The following TCEA2 variants were observed in gnomAD, a reference collection of about 807,000 sequenced individuals.
TCEA2 encodes the protein transcription elongation factor A protein 2.
In TCEA2, 21 loss-of-function variants were observed where a neutral mutation model predicts 40.8. The observed-to-expected ratio is 0.51, with a 90% confidence interval of 0.36 to 0.74. The LOEUF is 0.74. Among genes scored for constraint, TCEA2 ranks in the 30% least tolerant of loss-of-function variants. The pLI, the probability that TCEA2 is intolerant of heterozygous loss-of-function variation, is 0.00. For missense variants in TCEA2, 326 were observed against 426.5 expected (o/e 0.76, Z 2.08); for synonymous variants, 165 against 162.7 (o/e 1.01, Z -0.11).
chr20:64,066,406 T>G (rs1051094639), intron 1 of TCEA2, 70 bp from the exon 2 acceptor site: 1 of 1,544,944 alleles, frequency 6.5e-7, no homozygotes, highest in Non-Finnish European at 8.9e-7. Context: ...TCTCCTCCAG[T>G]AGGCAGAAGG....
chr20:64,066,287 C>T (rs2059691914), intron 1 of TCEA2, 189 bp from the exon 2 acceptor site: 1 of 615,218 alleles, frequency 1.6e-6, no homozygotes, highest in African/African-American at 1.8e-5. Context: ...TAAGGGTTCC[C>T]TGCTGTGGTG....
At chr20:64,069,909 C>T (rs776051981) in intron 6 of TCEA2, 88 bp downstream of exon 6, 19 of 1,511,984 alleles carry the variant, frequency 1.3e-5, no homozygotes, top group Non-Finnish European at 1.6e-5. Flanking sequence ...CTGCTGGATG[C>T]CACTGCCCAG....
At chr20:64,068,290 C>T (rs564305816) in intron 4 of TCEA2, among the ~76,000 whole-genome samples, 156 bp downstream of exon 4, 7 of 152,340 alleles carry the variant, frequency 4.6e-5, no homozygotes, top group African/African-American at 1.2e-4. Context: ...TGGTGTGTCC[C>T]GCCTGCACTG....
chr20:64,061,244 G>A (rs1253891142), upstream of TCEA2, among the ~76,000 whole-genome samples: 4 of 151,318 alleles, frequency 2.6e-5, no homozygotes, highest in Admixed American at 6.6e-5. Flanking sequence ...GGGATTACAG[G>A]CATGTGCCAC....
chr20:64,056,788 G>A (rs2059477854), upstream of TCEA2: 1 of 152,234 alleles, frequency 6.6e-6, no homozygotes, highest in Non-Finnish European at 1.5e-5. Context: ...CAGGCCTTTG[G>A]GCCAAAGGTG....
rs1255834743 is a variant in TCEA2 at position 64,069,837 on chromosome 20, G to A, written c.517+16G>A. ...ATCGAGGAATATATCCTTTGGGTAG[G>A]GGCTGTGGGCCTGGGTTTCTGGTGG... is the stretch of plus-strand genomic sequence containing the variant. On this transcript the variant is annotated intron_variant, in intron 6 of 9. Transcript: ENST00000343484. The A allele has an allele frequency of 1.2e-6, 2 of 1,612,306 alleles. No homozygotes were observed. The highest frequency in any genetic ancestry group is 1.7e-5 in the Admixed American group (1 of 60,024).
intron 1 of TCEA2, among the ~76,000 whole-genome samples, chr20:64,064,895 A>G (rs1007128532): frequency 2.0e-5 from 3 of 152,028 alleles, no homozygotes; most frequent in South Asian, 2.1e-4. Context: ...AAAGGAGACA[A>G]AACACAAACG....
intron 9 of TCEA2, 69 bp downstream of exon 9, chr20:64,072,010 G>GT: frequency 6.2e-7 from 1 of 1,606,544 alleles, no homozygotes; most frequent in East Asian, 2.2e-5. Context: ...CAGCCTCTGT[G>GT]GGGTCTGTGG....
At chr20:64,069,073 C>T (rs2059763277) in intron 4 of TCEA2, among the ~76,000 whole-genome samples, 1 of 152,250 alleles carries the variant, frequency 6.6e-6, no homozygotes, top group Non-Finnish European at 1.5e-5. Flanking sequence ...GTAATGCTGC[C>T]CAGATGCTGA....
chr20:64,066,873 G>A, intron 2 of TCEA2, 42 bp from the exon 3 acceptor site: 1 of 1,587,694 alleles, frequency 6.3e-7, no homozygotes. Context: ...GACCCCTAGG[G>A]TGGGCCCCTG....
At position 64,067,001 on chromosome 20, in the gene TCEA2, G is replaced by A. The variant is rs767401088; in HGVS notation, c.222G>A (p.Lys74=). 1 of 1,613,202 alleles carries A rather than the reference G, an allele frequency of 6.2e-7. No individual in the cohort carries two copies. ...TTGCACTGGCCAAGTCTCTCATCAAGTCCTGGAAGAAGCTCCTGGGTGCGG... is the reference window on the plus strand; with the variant it reads ...TTGCACTGGCCAAGTCTCTCATCAAATCCTGGAAGAAGCTCCTGGGTGCGG... ...EVIALAKSLI[K]SWKKLLDASD... Residue 74 remains lysine (K), a synonymous_variant, in exon 3 of 10, where the codon AAG becomes AAA. Coordinates refer to ENST00000343484, the MANE Select transcript of TCEA2 (RefSeq NM_003195.6).
chr20:64,063,179 A>T, upstream of TCEA2: 5 of 777,222 alleles, frequency 6.4e-6, no homozygotes, highest in Non-Finnish European at 8.6e-6. Flanking sequence ...CGAGGGTTTG[A>T]ACCGGGGGTC....
intron 4 of TCEA2, among the ~76,000 whole-genome samples, chr20:64,068,336 T>G (rs2059744373): frequency 6.6e-6 from 1 of 152,216 alleles, no homozygotes; most frequent in African/African-American, 2.4e-5. Context: ...CACCTGGCTG[T>G]CAGCCAGCCA....
chr20:64,069,003 G>A (rs1215272236), intron 4 of TCEA2, among the ~76,000 whole-genome samples: 4 of 152,258 alleles, frequency 2.6e-5, no homozygotes, highest in Non-Finnish European at 4.4e-5. Context: ...TTTGTGTTGC[G>A]GCCCAGTGGG....
intron 3 of TCEA2, among the ~76,000 whole-genome samples, chr20:64,067,268 A>G (rs1390319463): frequency 1.3e-5 from 2 of 152,226 alleles, no homozygotes; most frequent in Non-Finnish European, 2.9e-5. Context: ...GCAGGGTTCC[A>G]GGTAGAACAA....
upstream of TCEA2, chr20:64,056,692 T>C (rs2059476884): frequency 6.6e-6 from 1 of 151,924 alleles, no homozygotes; most frequent in South Asian, 2.1e-4. Context: ...ATGGCCGGCT[T>C]TGGGCGGGCA....
At chr20:64,072,129 TC>T (rs904033120) in intron 9 of TCEA2, 42 bp from the exon 10 acceptor site, 22 of 1,612,054 alleles carry the variant, frequency 1.4e-5, no homozygotes, top group Non-Finnish European at 1.7e-5. Flanking sequence ...CTGGGGGATC[TC>T]ATGTGGCCAC....
rs375965420 is a variant in TCEA2, at chr20:64,070,651, G to A, written c.819+16G>A. The A allele has an allele frequency of 2.0e-4, 309 of 1,542,578 alleles. 1 individual carries two copies. Among genetic ancestry groups the A allele is most frequent in the Middle Eastern group, 3.8e-4 (2 of 5,218 alleles). On this transcript the variant is annotated intron_variant, in intron 8 of 9. Transcript: ENST00000343484. ...CTACACACAGGTGAGCGGCCGCTGG[G>A]CACCCTCCCCCGGGCCCGGTGTCTT...
chr20:64,059,821 C>T (rs1205120646), upstream of TCEA2, among the ~76,000 whole-genome samples: 1 of 152,160 alleles, frequency 6.6e-6, no homozygotes, highest in Admixed American at 6.5e-5. Context: ...ACTGGTTGGG[C>T]CGGCCTGGGG....
Sources: allele counts gnomAD v4.1 joint callset (sites outside exome capture counted in the v4.1 genomes callset), GRCh38; gene constraint gnomAD v4.1.1; transcripts MANE v1.5; gene names NCBI Gene and HGNC (gene_info 2026-07-23, HGNC 2026-07-21).